Variants in EBPL observed in about 807,000 individuals in gnomAD.
The protein encoded by EBPL is EBP like.
Under a neutral mutation model 19.0 loss-of-function variants are expected in EBPL, and 20 were observed. The observed-to-expected ratio is 1.05, with a 90% confidence interval of 0.74 to 1.53. EBPL has a LOEUF of 1.53. Ranked by LOEUF, EBPL falls within the 40% of genes most tolerant of loss-of-function variation. EBPL has a pLI of 0.00. For missense variants in EBPL, 219 were observed against 261.1 expected, an observed-to-expected ratio of 0.84 and a Z score of 1.11; for synonymous variants, 107 against 117.0, an observed-to-expected ratio of 0.91 and a Z score of 0.55.
chr13:49,671,718 T>A (rs2137493091), intron 1 of EBPL, among the ~76,000 whole-genome samples: 1 of 152,334 alleles, frequency 6.6e-6, no homozygotes, highest in Non-Finnish European at 1.5e-5. Context: ...ATCTGTAAGA[T>A]GAAGGACTTC....
chr13:49,691,354 G>A lies in EBPL; in HGVS notation c.71C>T (p.Ala24Val), dbSNP rs771848718. The change falls in exon 1 of 4, where the codon GCG becomes GTG. Residue 24 changes from alanine to valine, a missense_variant. Physicochemically the swap from Ala to Val is moderately conservative, Grantham distance 64. Coordinates refer to ENST00000242827, the MANE Select transcript of EBPL (RefSeq NM_032565.5). ...CAGGCGCAGGCCCAGGGCGCAGCCC[G>A]CCGCCAGCAGCGCGGCGCACAGCAG... ...SLLLCAALLA[A>V]GCALGLRLGR... 2.2e-6 allele frequency: 3 copies of A among 1,353,898 alleles called. No homozygotes were observed. Among genetic ancestry groups the A allele is most frequent in the South Asian group, 4.1e-5 (2 of 49,336 alleles). The allele number at this position is 1,353,898 out of a possible 1,614,324, so 83.9% of individuals were successfully genotyped here.
chr13:49,690,371 T>G (rs2137516890), intron 1 of EBPL, among the ~76,000 whole-genome samples: 1 of 150,930 alleles, frequency 6.6e-6, no homozygotes, highest in East Asian at 1.9e-4. Flanking sequence ...TGACTTTGGC[T>G]TCACATTAGC....
At chr13:49,677,065 A>G (rs1953884300) in intron 1 of EBPL, among the ~76,000 whole-genome samples, 1 of 152,212 alleles carries the variant, frequency 6.6e-6, no homozygotes, top group Non-Finnish European at 1.5e-5. Flanking sequence ...GTCAGTGTGC[A>G]CTGGCACTGT....
chr13:49,685,332 TA>T (rs1953984943), intron 1 of EBPL, among the ~76,000 whole-genome samples: 1 of 152,120 alleles, frequency 6.6e-6, no homozygotes, highest in South Asian at 2.1e-4. Context: ...GCATCTCAAA[TA>T]AGTGGGGAAA....
At position 49,691,242 on chromosome 13, in the gene EBPL, G is replaced by A. The variant is rs758964865; in HGVS notation, c.171+12C>T. ...GGGATGGGGAGTGCAGGGTCTAGGC[G>A]ATGGCACTTACCAGCGCGAAGTGCA... On this transcript the variant is annotated intron_variant, in intron 1 of 3. Coordinates refer to ENST00000242827, the MANE Select transcript of EBPL (RefSeq NM_032565.5). 7.3e-7 allele frequency: 1 copy of A among 1,373,422 alleles called. No individual in the cohort carries two copies. 85.1% of individuals were successfully genotyped at this position (1,373,422 alleles called of 1,614,324 possible). A position where few individuals can be genotyped will look rare whatever the true frequency, so the allele number is the denominator to read the frequency against.
intron 1 of EBPL, among the ~76,000 whole-genome samples, chr13:49,677,718 G>A (rs73483812): frequency 6.1e-4 from 93 of 152,286 alleles, no homozygotes; most frequent in African/African-American, 2.1e-3. Context: ...AGATCAGCCT[G>A]GCCAACAGTG....
At position 49,660,769 on chromosome 13, in the gene EBPL, C is replaced by CT. The variant is rs759822056; in HGVS notation, c.*198dup. The CT allele has an allele frequency of 6.2e-6, 3 of 483,104 alleles. No homozygotes were observed. The highest frequency in any genetic ancestry group is 8.5e-5 in the South Asian group (2 of 23,650). The allele number at this position is 483,104 out of a possible 1,614,324, so 29.9% of individuals were successfully genotyped here. On this transcript the variant is annotated 3_prime_UTR_variant, in exon 4 of 4. Coordinates refer to ENST00000242827, the MANE Select transcript of EBPL (RefSeq NM_032565.5). ...ATTATTACAAATTCAAATTTGTTCTCTTTTCCCTATATCACCATTTAATTG... is the reference window on the plus strand; with the variant it reads ...ATTATTACAAATTCAAATTTGTTCTCTTTTTCCCTATATCACCATTTAATTG...
intron 1 of EBPL, among the ~76,000 whole-genome samples, chr13:49,683,339 A>G (rs1247447813): frequency 6.6e-6 from 1 of 151,902 alleles, no homozygotes; most frequent in Non-Finnish European, 1.5e-5. Context: ...ATCCCTGGCT[A>G]ACACGGTGAA....
chr13:49,687,338 C>CT (rs1409013020), intron 1 of EBPL, among the ~76,000 whole-genome samples: 103 of 151,908 alleles, frequency 6.8e-4, no homozygotes, highest in Non-Finnish European at 1.3e-3. Flanking sequence ...TTGCCTCTCT[C>CT]TTTTTTTTAA....
At chr13:49,661,288 T>C (rs1177328826) in intron 3 of EBPL, 80 bp from the exon 4 acceptor site, 5 of 1,160,388 alleles carry the variant, frequency 4.3e-6, no homozygotes, top group African/African-American at 1.5e-5. Flanking sequence ...TTGTCTGTAA[T>C]GGCGGCATCA....
intron 1 of EBPL, among the ~76,000 whole-genome samples, chr13:49,687,693 G>A (rs942503967): frequency 6.6e-6 from 1 of 152,298 alleles, no homozygotes; most frequent in East Asian, 1.9e-4. Flanking sequence ...TAAGATGGAC[G>A]CGTAGTTCTG....
chr13:49,686,344 C>T, intron 1 of EBPL: 2 of 1,035,446 alleles, frequency 1.9e-6, no homozygotes, highest in Non-Finnish European at 2.5e-6. Flanking sequence ...CGCCCACCAC[C>T]AAACCTCCTG....
Position 49,663,090 on chromosome 13 carries a change from A to C in EBPL, c.347T>G (p.Leu116Arg). 1 of 1,614,230 alleles carries C rather than the reference A, an allele frequency of 6.2e-7. No homozygotes were observed. Among genetic ancestry groups the C allele is most frequent in the South Asian group, 1.1e-5 (1 of 91,086 alleles). The change falls in exon 3 of 4, where the codon CTC becomes CGC. Residue 116 changes from leucine (L) to arginine (R), a missense_variant. By Grantham distance (102) the Leu-to-Arg change is moderately radical. Around this residue, in one of 2 missense-constraint regions of EBPL, gnomAD observed 170 missense variants for 167.0 expected, o/e 1.02. Coordinates refer to ENST00000242827, the MANE Select transcript of EBPL (RefSeq NM_032565.5). ...TTTTTCTTTGACTATGGCATAAATG[A>C]GGAACAATGCCAGAGACCCATCCAG... ...VALDGSLALF[L>R]IYAIVKEKYY...
intron 1 of EBPL, among the ~76,000 whole-genome samples, 168 bp from the exon 2 acceptor site, chr13:49,670,014 C>A (rs9596166): frequency 0.16 from 24,172 of 152,098 alleles, 2,796 homozygotes; most frequent in East Asian, 0.65. Context: ...ATCTTGGGAC[C>A]TGGTTACCTG....
chr13:49,660,920 T>G lies in EBPL; in HGVS notation c.*48A>C. 1 of 1,494,698 alleles carries G rather than the reference T, an allele frequency of 6.7e-7. No homozygotes were observed. The allele number at this position is 1,494,698 out of a possible 1,614,324, so 92.6% of individuals were successfully genotyped here. A position where few individuals can be genotyped will look rare whatever the true frequency, so the allele number is the denominator to read the frequency against. ...TTTTGGCCAAACAAAAAGATTTGAT[T>G]CATTCTGGTTCATGAAGTTAGATAA... is the stretch of plus-strand genomic sequence containing the variant. On this transcript the variant is annotated 3_prime_UTR_variant, in exon 4 of 4. Coordinates refer to ENST00000242827, the MANE Select transcript of EBPL (RefSeq NM_032565.5).
intron 2 of EBPL, chr13:49,668,022 C>T (rs1953759592): frequency 6.6e-6 from 1 of 152,316 alleles, no homozygotes; most frequent in Non-Finnish European, 1.5e-5. Flanking sequence ...GCTTCACCAG[C>T]AATCCCCAGG....
At chr13:49,665,945 T>G (rs528511774) in intron 2 of EBPL, among the ~76,000 whole-genome samples, 1 of 152,288 alleles carries the variant, frequency 6.6e-6, no homozygotes, top group East Asian at 1.9e-4. Context: ...CTCTCTTCCC[T>G]GTTGGTGAGG....
intron 1 of EBPL, among the ~76,000 whole-genome samples, chr13:49,688,718 C>CAAAAAAA: frequency 1.0e-5 from 1 of 95,446 alleles, no homozygotes; most frequent in Non-Finnish European, 2.1e-5. Context: ...GACTCCGTCT[C>CAAAAAAA]AAAAAAAAAA....
At chr13:49,689,482 T>C (rs1232470908) in intron 1 of EBPL, among the ~76,000 whole-genome samples, 3 of 152,084 alleles carry the variant, frequency 2.0e-5, no homozygotes, top group Non-Finnish European at 4.4e-5. Flanking sequence ...CCCGGGTAGC[T>C]GAGATTATGG....
Sources: allele counts gnomAD v4.1 joint callset (sites outside exome capture counted in the v4.1 genomes callset), GRCh38; gene constraint gnomAD v4.1.1; regional missense constraint gnomAD v4.1.1; transcripts MANE v1.5; gene names NCBI Gene and HGNC (gene_info 2026-07-23, HGNC 2026-07-21).